DNAH2: variants seen among roughly 807,000 people sequenced by gnomAD.
DNAH2 encodes dynein axonemal heavy chain 2, also known as axonemal beta dynein heavy chain 2.
Under a neutral mutation model 523.5 loss-of-function variants are expected in DNAH2, and 323 were observed. That is an observed-to-expected ratio of 0.62 (90% CI 0.56 to 0.68). DNAH2 has a LOEUF of 0.68. Among genes scored for constraint, DNAH2 ranks in the 30% least tolerant of loss-of-function variants. The pLI, the probability that DNAH2 is intolerant of heterozygous loss-of-function variation, is 0.00. For synonymous variants in DNAH2, 2,093 were observed against 2,177.4 expected (o/e 0.96, Z 1.08); for missense variants, 4,907 against 5,701.5 (o/e 0.86, Z 4.49).
At position 7,780,916 on chromosome 17, in the gene DNAH2, G is replaced by T. The variant is rs552921803; in HGVS notation, c.6004-126G>T. On this transcript the variant is annotated intron_variant, in intron 38 of 85. Coordinates refer to ENST00000572933, the MANE Select transcript of DNAH2 (RefSeq NM_020877.5). This position sits in a 1 kb window ranked among gnomAD's most constrained non-coding sequence, Gnocchi z 4.4. Reference sequence around the variant, plus strand: ...TCCCACCTCGTCCCATCCCCGTGTTGCCCGCTGCTTTGCTAATGGCTAACT... The same window carrying T: ...TCCCACCTCGTCCCATCCCCGTGTTTCCCGCTGCTTTGCTAATGGCTAACT... 1.6e-5 allele frequency: 25 copies of T among 1,581,120 alleles called. No homozygotes were observed. The Admixed American group carries it at 2.0e-4, about 13-fold the overall frequency.
rs1386582626 is a variant in DNAH2 at position 7,760,174 on chromosome 17, CCTGGCCAA to C, written c.2785+238_2785+245del. On this transcript the variant is annotated intron_variant, in intron 17 of 85. Coordinates refer to ENST00000572933, the MANE Select transcript of DNAH2 (RefSeq NM_020877.5). The surrounding 1 kb of genome is among the most constrained non-coding windows in gnomAD (Gnocchi z 4.0). The stretch of plus-strand genomic sequence containing the variant: ...TTTGAGGTCAGGAGTTCGAGACTAG[CCTGGCCAA>C]CATGGCAAAACCCCATCTCTACTAA... Among the ~76,000 whole-genome samples, 1 of 152,118 alleles carries C rather than the reference CCTGGCCAA, an allele frequency of 6.6e-6. No individual in the cohort carries two copies. The highest frequency in any genetic ancestry group is 1.5e-5 in the Non-Finnish European group (1 of 68,018).
chr17:7,780,493 T>A lies in DNAH2; in HGVS notation c.5851-137T>A. ...TGACAATGGCGTCATTCACACAATT[T>A]CCTCAGGAGAATCCATAGAGTGCCT... On this transcript the variant is annotated intron_variant, in intron 37 of 85. Coordinates refer to ENST00000572933, the MANE Select transcript of DNAH2 (RefSeq NM_020877.5). This position sits in a 1 kb window ranked among gnomAD's most constrained non-coding sequence, Gnocchi z 4.4. 1.4e-6 allele frequency: 2 copies of A among 1,411,276 alleles called. No individual in the cohort carries two copies. Among genetic ancestry groups the A allele is most frequent in the Non-Finnish European group, 1.9e-6 (2 of 1,032,824 alleles). The allele number at this position is 1,411,276 out of a possible 1,614,324, so 87.4% of individuals were successfully genotyped here. A position where few individuals can be genotyped will look rare whatever the true frequency, so the allele number is the denominator to read the frequency against.
At chr17:7,789,759 G>A (rs141233130) in intron 44 of DNAH2, among the ~76,000 whole-genome samples, 244 of 152,034 alleles carry the variant, frequency 1.6e-3, no homozygotes, top group Non-Finnish European at 2.3e-3. Context: ...TGTACTTTTA[G>A]TAGAGATGGG....
chr17:7,780,861 C>CT lies in DNAH2; in HGVS notation c.6003+82dup. 6.3e-7 allele frequency: 1 copy of CT among 1,599,918 alleles called. No homozygotes were observed. The highest frequency in any genetic ancestry group is 1.1e-5 in the South Asian group (1 of 89,946). On this transcript the variant is annotated intron_variant, in intron 38 of 85. Transcript: ENST00000572933. The surrounding 1 kb of genome is among the most constrained non-coding windows in gnomAD (Gnocchi z 4.4). Reference sequence around the variant, plus strand: ...TCACTTCTCTCAAGTCTTTCAGACCCTTTCTTTCCTCAGATTGGGATTCTC... The same window carrying CT: ...TCACTTCTCTCAAGTCTTTCAGACCCTTTTCTTTCCTCAGATTGGGATTCTC...
Position 7,780,908 on chromosome 17 carries a change from C to T in DNAH2, c.6003+126C>T, listed in dbSNP as rs2076587358. The T allele has an allele frequency of 1.3e-6, 2 of 1,577,168 alleles. No homozygotes were observed. Among genetic ancestry groups the T allele is most frequent in the East Asian group, 4.5e-5 (2 of 44,588 alleles). ...TCTCACCTTCCCACCTCGTCCCATC[C>T]CCGTGTTGCCCGCTGCTTTGCTAAT... On this transcript the variant is annotated intron_variant, in intron 38 of 85. Coordinates refer to ENST00000572933, the MANE Select transcript of DNAH2 (RefSeq NM_020877.5). This position sits in a 1 kb window ranked among gnomAD's most constrained non-coding sequence, Gnocchi z 4.4.
chr17:7,803,868 A>C (rs1597717128), intron 58 of DNAH2, among the ~76,000 whole-genome samples: 1 of 152,298 alleles, frequency 6.6e-6, no homozygotes, highest in Non-Finnish European at 1.5e-5. Context: ...GCCCACATTC[A>C]TTCCCATAGG....
At position 7,791,807 on chromosome 17, in the gene DNAH2, C is replaced by T; in HGVS notation, c.6901-110C>T. ...AAACTGTGCGATTTTCCAAATAGAG[C>T]CAGGGAAGGAGGAAGACCCAGGCTT... is the stretch of plus-strand genomic sequence containing the variant. On this transcript the variant is annotated intron_variant, in intron 44 of 85. Transcript: ENST00000572933. 3 of 1,055,298 alleles carry T rather than the reference C, an allele frequency of 2.8e-6. No homozygotes were observed. In the Admixed American group the frequency reaches 7.3e-5, roughly 26 times the overall value. 65.4% of individuals were successfully genotyped at this position (1,055,298 alleles called of 1,614,324 possible). A position where few individuals can be genotyped will look rare whatever the true frequency, so the allele number is the denominator to read the frequency against.
chr17:7,780,041 G>C lies in DNAH2; in HGVS notation c.5723-116G>C. The stretch of plus-strand genomic sequence containing the variant: ...AAGGATGTGGTCTTGGAGTTGGAGA[G>C]AAAGTTAGGGATGGAGTTAGGGTGG... On this transcript the variant is annotated intron_variant, in intron 36 of 85. Transcript: ENST00000572933. This position sits in a 1 kb window ranked among gnomAD's most constrained non-coding sequence, Gnocchi z 4.4. 1 of 1,384,354 alleles carries C rather than the reference G, an allele frequency of 7.2e-7. No homozygotes were observed. Among genetic ancestry groups the C allele is most frequent in the Non-Finnish European group, 9.9e-7 (1 of 1,014,302 alleles). The allele number at this position is 1,384,354 out of a possible 1,614,324, so 85.8% of individuals were successfully genotyped here. A position where few individuals can be genotyped will look rare whatever the true frequency, so the allele number is the denominator to read the frequency against.
At chr17:7,787,083 G>A (rs2076760428) in intron 42 of DNAH2, 50 bp downstream of exon 42, 1 of 1,603,714 alleles carries the variant, frequency 6.2e-7, no homozygotes. Flanking sequence ...GGCACCGGAG[G>A]GCGTGGGCCG....
rs770249193 is a variant in DNAH2, at chr17:7,776,792, C to T, written c.4961C>T (p.Ala1654Val). 4 of 1,612,320 alleles carry T rather than the reference C, an allele frequency of 2.5e-6. No homozygotes were observed. The South Asian group carries it at 4.4e-5, about 18-fold the overall frequency. ...GCACATCCCCAGGTGGTGATCACTGCCAGTCAGATCCAGTGGACGGCTGAT... is the reference window on the plus strand; with the variant it reads ...GCACATCCCCAGGTGGTGATCACTGTCAGTCAGATCCAGTGGACGGCTGAT... ...KEWAGQVVIT[A>V]SQIQWTADVT... Residue 1654 changes from alanine (A) to valine (V), a missense_variant, in exon 32 of 86, where the codon GCC (alanine) becomes GTC (valine). Transcript: ENST00000572933.
At chr17:7,794,211 T>C in intron 48 of DNAH2, 43 bp from the exon 49 acceptor site, 5 of 1,487,846 alleles carry the variant, frequency 3.4e-6, no homozygotes, top group South Asian at 1.3e-5. Flanking sequence ...TCTCTTGCCC[T>C]CTCCCCTCCT....
chr17:7,727,985 C>A (rs1162995497), intron 4 of DNAH2, among the ~76,000 whole-genome samples: 1 of 151,932 alleles, frequency 6.6e-6, no homozygotes, highest in Admixed American at 6.6e-5. Flanking sequence ...AGCTATTCAG[C>A]AAAGACCACT....
chr17:7,765,720 C>T (rs2076147963), intron 21 of DNAH2, among the ~76,000 whole-genome samples, 155 bp downstream of exon 21: 1 of 151,856 alleles, frequency 6.6e-6, no homozygotes, highest in African/African-American at 2.4e-5. Flanking sequence ...AGGAGGAGGA[C>T]ACTCAGTGGC....
rs148731691 is a variant in DNAH2 at position 7,816,596 on chromosome 17, A to G, written c.9755A>G (p.Lys3252Arg). 6.2e-7 allele frequency: 1 copy of G among 1,614,122 alleles called. No individual in the cohort carries two copies. Among genetic ancestry groups the G allele is most frequent in the Non-Finnish European group, 8.5e-7 (1 of 1,180,044 alleles). ...REVAEKLEMLKKQYDEKLAQK... is the reference protein window; with the variant it reads ...REVAEKLEMLRKQYDEKLAQK... ...GTAGCTGAGAAACTGGAGATGCTAAAGAAACAGTATGATGAGAAGCTGGCA... is the reference window on the plus strand; with the variant it reads ...GTAGCTGAGAAACTGGAGATGCTAAGGAAACAGTATGATGAGAAGCTGGCA... The change falls in exon 64 of 86, where the codon AAG becomes AGG. Residue 3252 changes from lysine to arginine, a missense_variant. By Grantham distance (26) the Lys-to-Arg change is conservative (BLOSUM62 2). Around this residue, in one of 3 missense-constraint regions of DNAH2, gnomAD observed 1,851 missense variants for 2,139.4 expected, o/e 0.87. Transcript: ENST00000572933.
Position 7,754,609 on chromosome 17 carries a change from T to C in DNAH2, c.1905-2482T>C. 2.7e-6 allele frequency: 4 copies of C among 1,508,772 alleles called. No homozygotes were observed. Among genetic ancestry groups the C allele is most frequent in the Non-Finnish European group, 3.6e-6 (4 of 1,100,504 alleles). The allele number at this position is 1,508,772 out of a possible 1,614,324, so 93.5% of individuals were successfully genotyped here. ...CCACGTGCCGAGGCTCTCAAGGCCC[T>C]CGTAAAGCCCAAGGAGGTTAAGCCC... On this transcript the variant is annotated intron_variant, in intron 12 of 85. Transcript: ENST00000572933. This position sits in a 1 kb window ranked among gnomAD's most constrained non-coding sequence, Gnocchi z 4.6.
chr17:7,818,932 G>T lies in DNAH2; in HGVS notation c.10684G>T (p.Ala3562Ser). 6.2e-7 allele frequency: 1 copy of T among 1,612,016 alleles called. No homozygotes were observed. Among genetic ancestry groups the T allele is most frequent in the Non-Finnish European group, 8.5e-7 (1 of 1,179,330 alleles). The part of the protein sequence containing the change: ...EDEILRLLNE[A>S]TGSLLDDVQL... ...GCCTCCCCCTAGGCTGCTGAATGAG[G>T]CCACCGGCTCCCTGCTGGATGATGT... Residue 3562 changes from alanine (A) to serine (S), a missense_variant, in exon 71 of 86, where the codon GCC becomes TCC. Transcript: ENST00000572933.
intron 8 of DNAH2, chr17:7,739,087 C>T (rs149616981): frequency 1.5e-6 from 1 of 686,916 alleles, no homozygotes; most frequent in Non-Finnish European, 2.7e-6. Context: ...CCCCAGGAAC[C>T]AGGGCAAACG....
intron 12 of DNAH2, among the ~76,000 whole-genome samples, chr17:7,752,254 T>C (rs2075707071): frequency 1.3e-5 from 2 of 152,048 alleles, no homozygotes; most frequent in Admixed American, 1.3e-4. Context: ...TGTCTCTTTT[T>C]CTTGATGATA....
chr17:7,773,606 C>A (rs931982796), intron 28 of DNAH2, among the ~76,000 whole-genome samples: 1 of 152,222 alleles, frequency 6.6e-6, no homozygotes, highest in Non-Finnish European at 1.5e-5. Flanking sequence ...CTCTTTCCAT[C>A]TTAACTAAGC....
Sources: gnomAD v4.1 joint callset for allele counts (sites outside exome capture counted in the v4.1 genomes callset) on GRCh38, gnomAD v4.1.1 for gene constraint, gnomAD v4.1.1 regional missense constraint, Gnocchi (gnomAD v3.1) non-coding constraint, MANE v1.5 for transcripts, NCBI Gene and HGNC (gene_info 2026-07-23, HGNC 2026-07-21) for gene names.